The following ZFYVE26 variants were observed in gnomAD, a reference collection of about 807,000 sequenced individuals.
ZFYVE26 encodes zinc finger FYVE-type containing 26.
A neutral mutation model predicts 276.5 loss-of-function variants in ZFYVE26; 181 were observed. The observed-to-expected ratio is 0.65, with a 90% CI of 0.58 to 0.74. The LOEUF (loss-of-function observed/expected upper bound fraction) is 0.74, where lower values mean the gene tolerates loss of function less well. Ranked by LOEUF, ZFYVE26 falls within the 30% of genes least tolerant of loss-of-function variation. ZFYVE26 has a pLI of 0.00. For synonymous variants in ZFYVE26, 1,129 were observed against 1,203.1 expected (o/e 0.94, Z 1.27); for missense variants, 2,821 against 3,097.9 (o/e 0.91, Z 2.12).
At chr14:67,775,440 G>A (rs2039316766) in intron 26 of ZFYVE26, among the ~76,000 whole-genome samples, 1 of 152,132 alleles carries the variant, frequency 6.6e-6, no homozygotes, top group Non-Finnish European at 1.5e-5. Context: ...AGAGCTGGCT[G>A]GGAACATCAG....
At chr14:67,774,955 G>A in intron 27 of ZFYVE26, 61 bp downstream of exon 27, 8 of 1,159,424 alleles carry the variant, frequency 6.9e-6, no homozygotes, top group Non-Finnish European at 1.0e-5. Flanking sequence ...AAATTCTGAA[G>A]GATAGAATAA....
exon 14 of ZFYVE26, chr14:67,729,438 C>T (rs765021567): frequency 3.9e-6 from 6 of 1,531,268 alleles, no homozygotes; most frequent in Non-Finnish European, 4.5e-6. Context: ...GTGCCGGACT[C>T]GCTGGGCTGT....
At chr14:67,751,689 T>G (rs1433141835) in intron 40 of ZFYVE26, 1 of 175,462 alleles carries the variant, frequency 5.7e-6, no homozygotes, top group Non-Finnish European at 1.2e-5. Context: ...CTGGCTAACA[T>G]GGTGAAACCC....
At position 67,748,377 on chromosome 14, in the gene ZFYVE26, C is replaced by T. The variant is rs750887419; in HGVS notation, c.*59G>A. 9.6e-6 allele frequency: 15 copies of T among 1,566,704 alleles called. No homozygotes were observed. Among genetic ancestry groups the T allele is most frequent in the African/African-American group, 1.3e-5 (1 of 74,272 alleles). ...ACTGGAGGAAAGAGGTGGAGGGCAT[C>T]GCCATCACTGCTGTTGCCCAGCTCT... On this transcript the variant is annotated 3_prime_UTR_variant, in exon 42 of 42. Transcript: ENST00000347230.
At chr14:67,809,066 G>A in intron 4 of ZFYVE26, 134 bp downstream of exon 4, 1 of 791,962 alleles carries the variant, frequency 1.3e-6, no homozygotes, top group East Asian at 2.4e-5. Context: ...CTCCTCAAAG[G>A]AGCTTCTGTG....
At chr14:67,808,782 C>T (rs931144462) in intron 4 of ZFYVE26, among the ~76,000 whole-genome samples, 3 of 151,902 alleles carry the variant, frequency 2.0e-5, no homozygotes, top group Non-Finnish European at 1.5e-5. Context: ...GGCCTCAGAG[C>T]ATATCTCAGG....
At chr14:67,809,143 C>G in intron 4 of ZFYVE26, 57 bp downstream of exon 4, 1 of 1,473,104 alleles carries the variant, frequency 6.8e-7, no homozygotes, top group Non-Finnish European at 9.5e-7. Flanking sequence ...TCCATGGAAG[C>G]TAAGCTGCTT....
At chr14:67,767,627 C>G in intron 31 of ZFYVE26, 77 bp downstream of exon 31, 1 of 1,602,228 alleles carries the variant, frequency 6.2e-7, no homozygotes, top group Non-Finnish European at 8.5e-7. Flanking sequence ...GGTGTGTTCA[C>G]CTACCTCTGT....
intron 14 of ZFYVE26, among the ~76,000 whole-genome samples, chr14:67,792,913 C>CAAA (rs34041446): frequency 0.47 from 26,663 of 56,698 alleles, 5,608 homozygotes; most frequent in East Asian, 0.75. Flanking sequence ...AAATCTGTCT[C>CAAA]AAAAAAAAAA....
Position 67,815,991 on chromosome 14 carries a change from CA to C in ZFYVE26, c.-29del. ...TCCCAGCACAGAGTGCAGGGAGATA[CA>C]AAGAAATGAGTTATGCCGAACACAT... On this transcript the variant is annotated 5_prime_UTR_variant, in exon 2 of 42. Transcript: ENST00000347230. The C allele has an allele frequency of 1.3e-6, 2 of 1,575,640 alleles. No individual in the cohort carries two copies. Among genetic ancestry groups the C allele is most frequent in the African/African-American group, 2.7e-5 (2 of 73,972 alleles).
chr14:67,779,682 A>G (rs1179138947), intron 23 of ZFYVE26, among the ~76,000 whole-genome samples: 1 of 152,204 alleles, frequency 6.6e-6, no homozygotes. Context: ...ATATTCTAGC[A>G]AAGGTGAGGA....
chr14:67,771,810 C>T (rs1430811393), intron 28 of ZFYVE26, among the ~76,000 whole-genome samples: 3 of 152,174 alleles, frequency 2.0e-5, no homozygotes, highest in African/African-American at 7.2e-5. Context: ...TTTTTATTAT[C>T]TCATGACAAT....
chr14:67,811,113 T>C (rs1378403391), intron 3 of ZFYVE26, among the ~76,000 whole-genome samples: 2 of 152,222 alleles, frequency 1.3e-5, no homozygotes, highest in Non-Finnish European at 2.9e-5. Flanking sequence ...ATAAAATTCA[T>C]GCTGGGAAGC....
chr14:67,800,750 G>A (rs1422987207), intron 10 of ZFYVE26, among the ~76,000 whole-genome samples: 4 of 152,034 alleles, frequency 2.6e-5, no homozygotes, highest in Non-Finnish European at 5.9e-5. Context: ...TATACCATAT[G>A]CATAAAGTAA....
In ZFYVE26 at chr14:67,748,227, CAT is replaced by C. The variant is rs2038536473; in HGVS notation, c.*207_*208del. Reference sequence around the variant, plus strand: ...AACTGGCCATCTCCAGACAAACACACATAGATTCCACAATTTTAGAGAAACAT... The same window carrying C: ...AACTGGCCATCTCCAGACAAACACACAGATTCCACAATTTTAGAGAAACAT... On this transcript the variant is annotated 3_prime_UTR_variant, in exon 42 of 42. Coordinates refer to ENST00000347230, the MANE Select transcript of ZFYVE26 (RefSeq NM_015346.4). 4.9e-6 allele frequency: 3 copies of C among 611,780 alleles called. No homozygotes were observed. Among genetic ancestry groups the C allele is most frequent in the Non-Finnish European group, 5.7e-6 (2 of 348,816 alleles). The allele number at this position is 611,780 out of a possible 1,614,324, so 37.9% of individuals were successfully genotyped here. A position where few individuals can be genotyped will look rare whatever the true frequency, so the allele number is the denominator to read the frequency against.
chr14:67,768,196 G>T lies in ZFYVE26; in HGVS notation c.5653+321C>A, dbSNP rs188102842. 2.6e-5 allele frequency among the ~76,000 whole-genome samples: 4 copies of T among 152,334 alleles called. No homozygotes were observed. The East Asian group carries it at 7.7e-4, about 29-fold the overall frequency. On this transcript the variant is annotated intron_variant, in intron 30 of 41. Transcript: ENST00000347230. ...AACTGTTAACAGGGATTACCTAGGG[G>T]TAAGGAGGGAGCATGGGGAGGTAGG...
At position 67,784,369 on chromosome 14, in the gene ZFYVE26, T is replaced by A. The variant is rs1594915153; in HGVS notation, c.3591A>T (p.Ser1197=). The A allele has an allele frequency of 6.2e-7, 1 of 1,614,084 alleles. No homozygotes were observed. The highest frequency in any genetic ancestry group is 8.5e-7 in the Non-Finnish European group (1 of 1,179,934). The change falls in exon 20 of 42, where the codon TCA becomes TCT. Residue 1197 remains serine, a synonymous_variant. Coordinates refer to ENST00000347230, the MANE Select transcript of ZFYVE26 (RefSeq NM_015346.4). The stretch of plus-strand genomic sequence containing the variant: ...GAACTTGTCTCTCAAACAGGAGATG[T>A]GACACCAGTTGGGAAGAGCTCTGTT... ...LLQQSSSQLV[S]HLLFERQVPP... is the part of the protein sequence containing the mutation.
Position 67,800,924 on chromosome 14 carries a change from T to TAAAAATAAATAAATAA in ZFYVE26, c.1639+1154_1639+1155insTTATTTATTTATTTTT, listed in dbSNP as rs59890733. Among the ~76,000 whole-genome samples, 472 of 148,718 alleles carry TAAAAATAAATAAATAA rather than the reference T, an allele frequency of 3.2e-3. 5 individuals carry two copies. Among genetic ancestry groups the TAAAAATAAATAAATAA allele is most frequent in the African/African-American group, 0.01 (409 of 39,988 alleles). ...ACCTTGGTATAATAAAAAGTTACCG[T>TAAAAATAAATAAATAA]ATAAATAAATAAATAAATAAATAAA... On this transcript the variant is annotated intron_variant, in intron 10 of 41. Transcript: ENST00000347230.
intron 24 of ZFYVE26, 111 bp downstream of exon 24, chr14:67,778,015 G>C: frequency 1.3e-6 from 2 of 1,503,122 alleles, no homozygotes; most frequent in Non-Finnish European, 1.8e-6. Flanking sequence ...TGAAAGATCA[G>C]AAGAGGCATA....
Sources: allele counts gnomAD v4.1 joint callset (sites outside exome capture counted in the v4.1 genomes callset), GRCh38; gene constraint gnomAD v4.1.1; transcripts MANE v1.5; gene names NCBI Gene and HGNC (gene_info 2026-07-23, HGNC 2026-07-21).